EMC3: variants seen among roughly 807,000 people sequenced by gnomAD.
EMC3 encodes ER membrane protein complex subunit 3, also known as 30 kDa protein.
EMC3 carries 13 observed loss-of-function variants against 36.6 expected under a neutral mutation model. That is an observed-to-expected ratio of 0.35 (90% CI 0.23 to 0.56). The LOEUF (loss-of-function observed/expected upper bound fraction) is 0.56. Among genes scored for constraint, EMC3 ranks in the 20% least tolerant of loss-of-function variants. The probability of loss-of-function intolerance (pLI) is 0.84; values close to 1 mark genes in which losing one functional copy is unlikely to be tolerated. For missense variants in EMC3, 220 were observed against 324.5 expected, an observed-to-expected ratio of 0.68 and a Z score of 2.47; for synonymous variants, 120 against 111.9, an observed-to-expected ratio of 1.07 and a Z score of -0.46.
chr3:9,996,831 C>G (rs1444189488), intron 1 of EMC3, among the ~76,000 whole-genome samples: 1 of 152,102 alleles, frequency 6.6e-6, no homozygotes. Flanking sequence ...TTTCCTTTCC[C>G]CTCTTGTTCT....
At chr3:9,991,619 A>T (rs2086053413), upstream of EMC3, among the ~76,000 whole-genome samples, 1 of 151,754 alleles carries the variant, frequency 6.6e-6, no homozygotes, top group Non-Finnish European at 1.5e-5. Flanking sequence ...GGGCTCAATG[A>T]TCCTCCCTCC....
intron 1 of EMC3, chr3:10,007,752 G>T: frequency 1.1e-6 from 1 of 950,124 alleles, no homozygotes; most frequent in South Asian, 1.5e-5. Flanking sequence ...CCATCAAGGA[G>T]CTTCCTTGTG....
At chr3:10,002,920 A>G in intron 1 of EMC3, 1 of 450,804 alleles carries the variant, frequency 2.2e-6, no homozygotes, top group Non-Finnish European at 4.5e-6. Flanking sequence ...GAGCACCTGT[A>G]GCAGTGGTGG....
chr3:9,969,650 A>G, intron 7 of EMC3, 69 bp downstream of exon 7: 2 of 1,611,938 alleles, frequency 1.2e-6, no homozygotes, highest in Non-Finnish European at 1.7e-6. Context: ...CAAGGAAGCT[A>G]TTTTTAAAAT....
At chr3:10,004,942 T>C (rs2086247972) in intron 1 of EMC3, 1 of 152,268 alleles carries the variant, frequency 6.6e-6, no homozygotes, top group Non-Finnish European at 1.5e-5. Flanking sequence ...GTAGTCAGTA[T>C]AGTTGGGAGG....
intron 1 of EMC3, chr3:10,007,331 C>G (rs545737253): frequency 3.6e-5 from 47 of 1,322,514 alleles, no homozygotes; most frequent in Non-Finnish European, 4.6e-5. Context: ...CAGGTCCCGT[C>G]TGCCTGTGTC....
upstream of EMC3, among the ~76,000 whole-genome samples, chr3:9,989,095 G>A (rs969579944): frequency 6.6e-6 from 1 of 152,170 alleles, no homozygotes; most frequent in Non-Finnish European, 1.5e-5. Context: ...CTGCCTAATT[G>A]CCCTTCCTTC....
chr3:9,980,132 G>A (rs2085894080), intron 1 of EMC3, among the ~76,000 whole-genome samples: 1 of 151,426 alleles, frequency 6.6e-6, no homozygotes, highest in Non-Finnish European at 1.5e-5. Flanking sequence ...TCCCGCCTCA[G>A]CCTTCAGAGT....
chr3:9,972,670 T>C (rs1268100680), intron 5 of EMC3, among the ~76,000 whole-genome samples: 1 of 150,438 alleles, frequency 6.6e-6, no homozygotes, highest in African/African-American at 2.4e-5. Context: ...CTCGGGAGGC[T>C]GAGGCAGGAG....
At chr3:9,988,027 T>C (rs1367834824), upstream of EMC3, 8 of 762,364 alleles carry the variant, frequency 1.0e-5, no homozygotes, top group Non-Finnish European at 1.9e-5. Flanking sequence ...TCATGGATAA[T>C]TGCCACCCTT....
chr3:9,964,223 A>C (rs746501050), intron 7 of EMC3, 26 bp from the exon 8 acceptor site: 1 of 1,611,196 alleles, frequency 6.2e-7, no homozygotes, highest in Admixed American at 1.7e-5. Flanking sequence ...ACACCCAGGC[A>C]GGAAGAGAGG....
chr3:9,976,209 C>T (rs1258246719), intron 3 of EMC3, among the ~76,000 whole-genome samples: 1 of 152,068 alleles, frequency 6.6e-6, no homozygotes, highest in Non-Finnish European at 1.5e-5. Context: ...CAGGTTCAAG[C>T]AATTTCCTGC....
At chr3:10,002,745 G>C in intron 1 of EMC3, 1 of 441,138 alleles carries the variant, frequency 2.3e-6, no homozygotes, top group Non-Finnish European at 4.6e-6. Flanking sequence ...GAGGAGACCT[G>C]CACAACTGGA....
chr3:9,982,572 T>C (rs2085923148), intron 1 of EMC3, among the ~76,000 whole-genome samples: 1 of 152,022 alleles, frequency 6.6e-6, no homozygotes, highest in Admixed American at 6.6e-5. Flanking sequence ...ACATTTATAG[T>C]ATATTTATTA....
upstream of EMC3, chr3:9,986,868 T>C (rs1015832640): frequency 5.8e-6 from 8 of 1,373,176 alleles, no homozygotes; most frequent in African/African-American, 1.0e-4. Context: ...CGTCACGTCG[T>C]GGCGCACCTC....
intron 1 of EMC3, chr3:10,005,018 A>AT (rs2086248711): frequency 6.6e-6 from 1 of 152,196 alleles, no homozygotes; most frequent in Non-Finnish European, 1.5e-5. Flanking sequence ...CAGTTCATAG[A>AT]CACCATCTGA....
At chr3:9,994,018 C>T (rs2086090911) in intron 1 of EMC3, among the ~76,000 whole-genome samples, 1 of 152,292 alleles carries the variant, frequency 6.6e-6, no homozygotes, top group African/African-American at 2.4e-5. Context: ...TGAGAGAAAA[C>T]TCAGAATGGT....
At chr3:9,979,855 C>A (rs1476490381) in intron 1 of EMC3, among the ~76,000 whole-genome samples, 1 of 151,940 alleles carries the variant, frequency 6.6e-6, no homozygotes, top group East Asian at 1.9e-4. Flanking sequence ...CTGGTGTAAA[C>A]AAAATGGGCA....
chr3:10,006,644 G>A, intron 1 of EMC3: 1 of 199,418 alleles, frequency 5.0e-6, no homozygotes, highest in Non-Finnish European at 1.1e-5. Context: ...AGTGGCAGAG[G>A]GAGGGAATGG....
Sources: allele counts gnomAD v4.1 joint callset (sites outside exome capture counted in the v4.1 genomes callset), GRCh38; gene constraint gnomAD v4.1.1; transcripts MANE v1.5; gene names NCBI Gene and HGNC (gene_info 2026-07-23, HGNC 2026-07-21).